EVA1C: variants seen among roughly 807,000 people sequenced by gnomAD.
The protein encoded by EVA1C is protein eva-1 homolog C.
A neutral mutation model predicts 45.4 loss-of-function variants in EVA1C; 25 were observed. The ratio of observed to expected loss-of-function variants is 0.55; its 90% CI spans 0.40 to 0.77. The LOEUF is 0.77. Ranked by LOEUF, EVA1C falls within the 30% of genes least tolerant of loss-of-function variation. The pLI, the probability that EVA1C is intolerant of heterozygous loss-of-function variation, is 0.00. For missense variants in EVA1C, 479 were observed against 554.8 expected (o/e 0.86, Z 1.37); for synonymous variants, 190 against 221.2 (o/e 0.86, Z 1.25).
At chr21:32,476,485 T>C (rs935789232) in intron 4 of EVA1C, among the ~76,000 whole-genome samples, 1 of 151,794 alleles carries the variant, frequency 6.6e-6, no homozygotes, top group African/African-American at 2.4e-5. Context: ...CTACTAAAAA[T>C]ACAAAATTAA....
chr21:32,507,507 T>A (rs1052223456), intron 7 of EVA1C, among the ~76,000 whole-genome samples: 5 of 151,622 alleles, frequency 3.3e-5, no homozygotes, highest in Admixed American at 1.3e-4. Flanking sequence ...TGTGTCTGTA[T>A]CTGTGTGCAT....
chr21:32,468,087 A>C, intron 4 of EVA1C: 1 of 192,394 alleles, frequency 5.2e-6, no homozygotes, highest in Non-Finnish European at 1.0e-5. Flanking sequence ...AAGAACAAGA[A>C]CTGGCCGGGC....
At chr21:32,453,668 T>C (rs1601305786) in intron 2 of EVA1C, among the ~76,000 whole-genome samples, 160 bp downstream of exon 2, 2 of 152,358 alleles carry the variant, frequency 1.3e-5, no homozygotes, top group African/African-American at 4.8e-5. Flanking sequence ...GTAGGTGAGC[T>C]ATTATTTGCT....
At chr21:32,465,757 C>T (rs1412759544) in intron 3 of EVA1C, among the ~76,000 whole-genome samples, 1 of 152,128 alleles carries the variant, frequency 6.6e-6, no homozygotes, top group Non-Finnish European at 1.5e-5. Flanking sequence ...CTTGGCCTCT[C>T]AAAGTGCTGG....
chr21:32,513,876 A>G (rs2038050921), intron 7 of EVA1C, among the ~76,000 whole-genome samples: 1 of 152,154 alleles, frequency 6.6e-6, no homozygotes, highest in African/African-American at 2.4e-5. Context: ...GGCCTTCTGT[A>G]TCCATGGATT....
chr21:32,478,323 A>G (rs2036658618), intron 4 of EVA1C, among the ~76,000 whole-genome samples: 1 of 151,862 alleles, frequency 6.6e-6, no homozygotes, highest in South Asian at 2.1e-4. Flanking sequence ...GGTTCAAGCA[A>G]TTCTCCTGCC....
In EVA1C at chr21:32,448,916, G is replaced by GAAAGAAAGAAAGAAAGAA. The variant is rs60517808; in HGVS notation, c.161-4395_161-4394insAAGAAAGAAAGAAAGAAA. 2.7e-5 allele frequency among the ~76,000 whole-genome samples: 4 copies of GAAAGAAAGAAAGAAAGAA among 146,056 alleles called. No homozygotes were observed. In the South Asian group the frequency reaches 6.5e-4, roughly 24 times the overall value. ...AAAGAAAAAAAAAGAAAGGAGAAAAGAGAGAAAGAAAGAAAGAGAGAGAAA... is the reference window on the plus strand; with the variant it reads ...AAAGAAAAAAAAAGAAAGGAGAAAAGAAAGAAAGAAAGAAAGAAAGAGAAAGAAAGAAAGAGAGAGAAA... On this transcript the variant is annotated intron_variant, in intron 1 of 7. Transcript: ENST00000300255.
chr21:32,502,052 C>T (rs7282087), intron 6 of EVA1C, among the ~76,000 whole-genome samples: 8 of 98,166 alleles, frequency 8.1e-5, no homozygotes, highest in African/African-American at 2.5e-4. Flanking sequence ...TTCTTTCTTT[C>T]TTCTTTCTTT....
At chr21:32,438,305 T>C (rs1353386188) in intron 1 of EVA1C, among the ~76,000 whole-genome samples, 1 of 151,926 alleles carries the variant, frequency 6.6e-6, no homozygotes, top group African/African-American at 2.4e-5. Flanking sequence ...GAGACCAGCC[T>C]GGCCAATATG....
intron 1 of EVA1C, among the ~76,000 whole-genome samples, chr21:32,427,378 G>A (rs2034528343): frequency 6.6e-6 from 1 of 152,168 alleles, no homozygotes; most frequent in African/African-American, 2.4e-5. Flanking sequence ...CTTCTCAAAT[G>A]CCTCTTGAAT....
At chr21:32,432,455 C>A (rs970906402) in intron 1 of EVA1C, among the ~76,000 whole-genome samples, 4 of 151,962 alleles carry the variant, frequency 2.6e-5, no homozygotes, top group African/African-American at 9.7e-5. Flanking sequence ...GCAAAGGGGG[C>A]AGGTCCAGGG....
chr21:32,449,431 G>A (rs1601293246), intron 1 of EVA1C, among the ~76,000 whole-genome samples: 1 of 152,124 alleles, frequency 6.6e-6, no homozygotes, highest in East Asian at 1.9e-4. Context: ...CATAGTTGTG[G>A]TTTATCCAGA....
intron 5 of EVA1C, chr21:32,497,265 T>C: frequency 1.3e-6 from 1 of 758,532 alleles, no homozygotes; most frequent in Non-Finnish European, 2.4e-6. Flanking sequence ...TGTGAACACA[T>C]GACATTAGAT....
intron 4 of EVA1C, among the ~76,000 whole-genome samples, chr21:32,471,231 A>G (rs1454099338): frequency 3.3e-5 from 5 of 152,082 alleles, no homozygotes; most frequent in Non-Finnish European, 5.9e-5. Context: ...ATAATATTCA[A>G]GAATGCCTTT....
At chr21:32,453,097 C>G (rs1360855521) in intron 1 of EVA1C, 1 of 493,240 alleles carries the variant, frequency 2.0e-6, no homozygotes, top group Non-Finnish European at 3.7e-6. Context: ...CCCCTGCCCC[C>G]CTTCCATGTC....
At chr21:32,492,620 T>C (rs1003730733) in intron 4 of EVA1C, among the ~76,000 whole-genome samples, 3 of 152,092 alleles carry the variant, frequency 2.0e-5, no homozygotes, top group African/African-American at 7.2e-5. Context: ...CCTTGGCCTC[T>C]CTGGGCATGA....
At position 32,469,427 on chromosome 21, in the gene EVA1C, G is replaced by T. The variant is rs937241736; in HGVS notation, c.634+1579G>T. On this transcript the variant is annotated intron_variant, in intron 4 of 7. Coordinates refer to ENST00000300255, the MANE Select transcript of EVA1C (RefSeq NM_058187.5). ...AGGTAGAGAGAAGAGTGGACGCAAC[G>T]CCCTGAGGCTGGACTGTAGCTGGGT... Among the ~76,000 whole-genome samples the T allele has an allele frequency of 2.0e-5, 3 of 152,162 alleles. No homozygotes were observed. The South Asian group carries it at 6.2e-4, about 31-fold the overall frequency.
intron 1 of EVA1C, among the ~76,000 whole-genome samples, chr21:32,443,464 G>T (rs1239888431): frequency 6.6e-6 from 1 of 152,144 alleles, no homozygotes; most frequent in Non-Finnish European, 1.5e-5. Flanking sequence ...CTGAACCCAG[G>T]AGGCGGAGGT....
intron 1 of EVA1C, among the ~76,000 whole-genome samples, chr21:32,449,627 G>GTT (rs59516994): frequency 8.4e-5 from 12 of 142,888 alleles, no homozygotes; most frequent in South Asian, 4.5e-4. Flanking sequence ...TTTTTGTTTT[G>GTT]TTTTTTTTTT....
Sources: allele counts gnomAD v4.1 joint callset (sites outside exome capture counted in the v4.1 genomes callset), GRCh38; gene constraint gnomAD v4.1.1; transcripts MANE v1.5; gene names NCBI Gene and HGNC (gene_info 2026-07-23, HGNC 2026-07-21).